Variants in ZNF787 observed in about 807,000 individuals in gnomAD.
ZNF787 encodes the protein zinc finger protein 787, also known as TTF-I-interacting peptide 20.
A neutral mutation model predicts 16.9 loss-of-function variants in ZNF787; 7 were observed. That is an observed-to-expected ratio of 0.42 (90% CI 0.24 to 0.78). The LOEUF (loss-of-function observed/expected upper bound fraction) is 0.78. Among genes scored for constraint, ZNF787 ranks in the 30% least tolerant of loss-of-function variants. ZNF787 has a pLI of 0.30. For missense variants in ZNF787, 551 were observed against 589.3 expected, an observed-to-expected ratio of 0.94 and a Z score of 0.67; for synonymous variants, 345 against 270.9, an observed-to-expected ratio of 1.27 and a Z score of -2.69.
chr19:56,102,973 G>A (rs1049520000), intron 2 of ZNF787, 166 bp downstream of exon 2: 11 of 747,440 alleles, frequency 1.5e-5, no homozygotes, highest in African/African-American at 1.4e-4. Context: ...TCCCTCTACA[G>A]CCAGGAGTGC....
At chr19:56,119,794 G>T (rs1453393010) in intron 1 of ZNF787, among the ~76,000 whole-genome samples, 1 of 152,268 alleles carries the variant, frequency 6.6e-6, no homozygotes, top group Non-Finnish European at 1.5e-5. Context: ...CGTGGCCGGA[G>T]GACCACAGGG....
At chr19:56,116,983 G>A (rs1248387199) in intron 1 of ZNF787, among the ~76,000 whole-genome samples, 1 of 152,186 alleles carries the variant, frequency 6.6e-6, no homozygotes, top group Non-Finnish European at 1.5e-5. Context: ...CAATCAGTGG[G>A]AGACAGTGCG....
At chr19:56,114,204 T>C (rs1252848049) in intron 1 of ZNF787, among the ~76,000 whole-genome samples, 1 of 152,168 alleles carries the variant, frequency 6.6e-6, no homozygotes, top group East Asian at 1.9e-4. Context: ...GGCCCGGATC[T>C]CGCTGTGCAG....
At chr19:56,103,029 C>T in intron 2 of ZNF787, 110 bp downstream of exon 2, 1 of 1,265,184 alleles carries the variant, frequency 7.9e-7, no homozygotes, top group Non-Finnish European at 1.1e-6. Flanking sequence ...GGTCCCAGGG[C>T]CCCAAGAGGG....
In ZNF787 at chr19:56,087,715, C is replaced by A; in HGVS notation, c.*308G>T. The A allele has an allele frequency of 4.3e-6, 1 of 232,840 alleles. No individual in the cohort carries two copies. Among genetic ancestry groups the A allele is most frequent in the African/African-American group, 2.3e-5 (1 of 43,522 alleles). The allele number at this position is 232,840 out of a possible 1,614,324, so 14.4% of individuals were successfully genotyped here. ...GAGGAAGAGCAGGGAAAATGGCCTT[C>A]CGCTTGGGGCCTGGTCGCCACTCGG... On this transcript the variant is annotated 3_prime_UTR_variant, in exon 3 of 3. Coordinates refer to ENST00000610935, the MANE Select transcript of ZNF787 (RefSeq NM_001002836.4).
intron 1 of ZNF787, among the ~76,000 whole-genome samples, chr19:56,106,042 G>T (rs867748864): frequency 7.7e-6 from 1 of 130,694 alleles, no homozygotes; most frequent in Non-Finnish European, 1.6e-5. Flanking sequence ...CGCGCCCACG[G>T]CAGTCACCGC....
At chr19:56,101,547 C>A (rs904559406) in intron 2 of ZNF787, 1 of 152,148 alleles carries the variant, frequency 6.6e-6, no homozygotes, top group Non-Finnish European at 1.5e-5. Flanking sequence ...TTGGAGACAA[C>A]GAAGTATTTT....
chr19:56,088,041 G>C lies in ZNF787; in HGVS notation c.1131C>G (p.Arg377=), dbSNP rs1171296120. ...CCCTCCCCTACCGGCCCTCCCCACCGCGGCACTCGGGGCACCGCCCGCCCG... is the reference window on the plus strand; with the variant it reads ...CCCTCCCCTACCGGCCCTCCCCACCCCGGCACTCGGGGCACCGCCCGCCCG... The part of the protein sequence containing the change: ...EAAGGRCPEC[R]GGEGR Residue 377 remains arginine (R), a synonymous_variant, in exon 3 of 3, where the codon CGC becomes CGG. Coordinates refer to ENST00000610935, the MANE Select transcript of ZNF787 (RefSeq NM_001002836.4). This position sits in a 1 kb window ranked among gnomAD's most constrained non-coding sequence, Gnocchi z 8.6. 3.7e-5 allele frequency: 34 copies of C among 906,840 alleles called. No individual in the cohort carries two copies. In the East Asian group the frequency reaches 1.2e-3, roughly 32 times the overall value. 56.2% of individuals were successfully genotyped at this position (906,840 alleles called of 1,614,324 possible). A position where few individuals can be genotyped will look rare whatever the true frequency, so the allele number is the denominator to read the frequency against.
intron 2 of ZNF787, among the ~76,000 whole-genome samples, chr19:56,097,734 G>A (rs1018461732): frequency 6.6e-5 from 10 of 152,188 alleles, no homozygotes; most frequent in Admixed American, 1.3e-4. Flanking sequence ...CGGCAAAGGC[G>A]CTGCAGAGCC....
intron 2 of ZNF787, among the ~76,000 whole-genome samples, chr19:56,094,561 C>T (rs1397844560): frequency 5.3e-5 from 8 of 151,758 alleles, no homozygotes; most frequent in African/African-American, 1.9e-4. Context: ...GTTCCTTCTA[C>T]ATTAGTCTTC....
intron 1 of ZNF787, among the ~76,000 whole-genome samples, chr19:56,115,461 C>G (rs916752807): frequency 6.6e-6 from 1 of 151,308 alleles, no homozygotes; most frequent in East Asian, 1.9e-4. Flanking sequence ...CGGGTTCACG[C>G]CATTCTCCTG....
At position 56,102,990 on chromosome 19, in the gene ZNF787, C is replaced by T. The variant is rs757370375; in HGVS notation, c.79+149G>A. 8 of 796,044 alleles carry T rather than the reference C, an allele frequency of 1.0e-5. No homozygotes were observed. In the East Asian group the frequency reaches 1.8e-4, roughly 18 times the overall value. 49.3% of individuals were successfully genotyped at this position (796,044 alleles called of 1,614,324 possible). ...CCTCTACAGCCAGGAGTGCAAGGCC[C>T]AGGGCGGGAGGGGAGGCCAGGGTCG... On this transcript the variant is annotated intron_variant, in intron 2 of 2. Coordinates refer to ENST00000610935, the MANE Select transcript of ZNF787 (RefSeq NM_001002836.4).
chr19:56,088,971 G>A lies in ZNF787; in HGVS notation c.201C>T (p.Ile67=). ...TAAAGCTCTTGCCACACTCGTTGCA[G>A]ATGTAGGGGGCGGGCGGCCGCGGCC... ...PPRPRPPAPY[I]CNECGKSFSH... The change falls in exon 3 of 3, where the codon ATC becomes ATT. Residue 67 remains isoleucine (I), a synonymous_variant. Transcript: ENST00000610935. The surrounding 1 kb of genome is among the most constrained non-coding windows in gnomAD (Gnocchi z 8.6). 6.5e-7 allele frequency: 1 copy of A among 1,532,406 alleles called. No individual in the cohort carries two copies. Among genetic ancestry groups the A allele is most frequent in the South Asian group, 1.3e-5 (1 of 79,276 alleles). The allele number at this position is 1,532,406 out of a possible 1,614,324, so 94.9% of individuals were successfully genotyped here.
chr19:56,094,029 ATTTATTTAT>A (rs1255383346), intron 2 of ZNF787, among the ~76,000 whole-genome samples: 20 of 1,980 alleles, frequency 0.01, no homozygotes, highest in South Asian at 0.25. Flanking sequence ...TTTTCATTTT[ATTTATTTAT>A]TTTGAGACGC....
At chr19:56,101,839 A>C (rs1412558732) in intron 2 of ZNF787, 2 of 152,266 alleles carry the variant, frequency 1.3e-5, no homozygotes, top group African/African-American at 4.8e-5. Flanking sequence ...ATTTTCGAAA[A>C]GGTTCGAAGG....
intron 2 of ZNF787, among the ~76,000 whole-genome samples, chr19:56,098,468 C>A (rs1431486270): frequency 6.7e-6 from 1 of 150,058 alleles, no homozygotes; most frequent in East Asian, 2.0e-4. Context: ...AGGGTGATTA[C>A]GGCCGCAAGG....
Position 56,089,059 on chromosome 19 carries a change from G to C in ZNF787, c.113C>G (p.Pro38Arg), listed in dbSNP as rs1436909954. Reference sequence around the variant, plus strand: ...GGACAGCTTGGTGGGAGGCCAGCTGGGGACGTCGTCATCATCCATGATGAG... The same window carrying C: ...GGACAGCTTGGTGGGAGGCCAGCTGCGGACGTCGTCATCATCCATGATGAG... ...DILIMDDDDV[P>R]SWPPTKLSPP... The change falls in exon 3 of 3, where the codon CCC becomes CGC. Residue 38 changes from proline to arginine, a missense_variant. Pro to Arg is a moderately radical substitution (Grantham distance 103). Coordinates refer to ENST00000610935, the MANE Select transcript of ZNF787 (RefSeq NM_001002836.4). 2 of 1,466,428 alleles carry C rather than the reference G, an allele frequency of 1.4e-6. No homozygotes were observed. The highest frequency in any genetic ancestry group is 1.8e-6 in the Non-Finnish European group (2 of 1,111,616). 90.8% of individuals were successfully genotyped at this position (1,466,428 alleles called of 1,614,324 possible). A position where few individuals can be genotyped will look rare whatever the true frequency, so the allele number is the denominator to read the frequency against.
chr19:56,108,403 C>A (rs1265288655), intron 1 of ZNF787, among the ~76,000 whole-genome samples: 1 of 147,422 alleles, frequency 6.8e-6, no homozygotes, highest in Non-Finnish European at 1.5e-5. Flanking sequence ...GCCCAGAGCT[C>A]CCCAGCTCCC....
At chr19:56,111,892 G>A (rs1433723208) in intron 1 of ZNF787, among the ~76,000 whole-genome samples, 1 of 152,180 alleles carries the variant, frequency 6.6e-6, no homozygotes, top group Non-Finnish European at 1.5e-5. Flanking sequence ...AAGCAGGGAC[G>A]GGAAGGGCAG....
Sources: gnomAD v4.1 joint callset for allele counts (sites outside exome capture counted in the v4.1 genomes callset) on GRCh38, gnomAD v4.1.1 for gene constraint, Gnocchi (gnomAD v3.1) non-coding constraint, MANE v1.5 for transcripts, NCBI Gene and HGNC (gene_info 2026-07-23, HGNC 2026-07-21) for gene names.